Variants in CSMD1 observed in about 807,000 individuals in gnomAD.
CSMD1 encodes CUB and sushi domain-containing protein 1.
A neutral mutation model predicts 417.5 loss-of-function variants in CSMD1; 213 were observed. That is an observed-to-expected ratio of 0.51 (90% CI 0.46 to 0.57). The LOEUF is 0.57. Ranked by LOEUF, CSMD1 falls within the 20% of genes least tolerant of loss-of-function variation. CSMD1 has a pLI of 0.00. For synonymous variants in CSMD1, 2,862 were observed against 1,736.8 expected (o/e 1.65, Z -16.11); for missense variants, 6,923 against 4,529.7 (o/e 1.53, Z -15.17).
chr8:3,853,130 G>C (rs1409265591), intron 5 of CSMD1, among the ~76,000 whole-genome samples: 1 of 152,148 alleles, frequency 6.6e-6, no homozygotes, highest in African/African-American at 2.4e-5. Flanking sequence ...AGTGGCAGCA[G>C]GTGGCTGAGC....
intron 1 of CSMD1, among the ~76,000 whole-genome samples, chr8:4,724,456 A>T (rs566763620): frequency 1.3e-5 from 2 of 151,962 alleles, no homozygotes; most frequent in Non-Finnish European, 2.9e-5. Context: ...TAATATTTAC[A>T]TTACTTATAA....
intron 3 of CSMD1, among the ~76,000 whole-genome samples, chr8:4,196,027 C>A (rs191342750): frequency 1.2e-4 from 19 of 152,092 alleles, no homozygotes; most frequent in African/African-American, 4.3e-4. Context: ...CTGGCTAACA[C>A]AGTGAAACCT....
chr8:4,827,163 G>C (rs898085425), intron 1 of CSMD1, among the ~76,000 whole-genome samples: 1 of 152,098 alleles, frequency 6.6e-6, no homozygotes. Flanking sequence ...AGGTATACTA[G>C]CAAAGTTTTC....
intron 13 of CSMD1, 42 bp downstream of exon 13, chr8:3,409,381 T>A: frequency 6.5e-7 from 1 of 1,533,850 alleles, no homozygotes; most frequent in Non-Finnish European, 8.8e-7. Flanking sequence ...TGCAAGATCC[T>A]TGCAGGACAG....
intron 5 of CSMD1, among the ~76,000 whole-genome samples, chr8:3,894,354 T>G (rs534661514): frequency 2.0e-5 from 3 of 152,250 alleles, no homozygotes; most frequent in African/African-American, 7.2e-5. Flanking sequence ...TCACGAGGAT[T>G]AAATGGGTGT....
At chr8:4,703,804 T>A (rs548888771) in intron 1 of CSMD1, among the ~76,000 whole-genome samples, 1 of 152,242 alleles carries the variant, frequency 6.6e-6, no homozygotes, top group South Asian at 2.1e-4. Flanking sequence ...ATCATCAAGC[T>A]CAACAGTCCC....
intron 36 of CSMD1, among the ~76,000 whole-genome samples, chr8:3,186,948 G>A (rs1000733771): frequency 6.6e-6 from 1 of 152,160 alleles, no homozygotes. Flanking sequence ...CGCCATGTTG[G>A]CCAGGCTGGT....
At chr8:4,628,387 T>C (rs1026256661) in intron 2 of CSMD1, among the ~76,000 whole-genome samples, 4 of 142,178 alleles carry the variant, frequency 2.8e-5, no homozygotes, top group African/African-American at 1.0e-4. Context: ...TATACACACA[T>C]ATATATACAC....
intron 52 of CSMD1, among the ~76,000 whole-genome samples, chr8:3,011,293 C>T (rs916758795): frequency 6.6e-6 from 1 of 152,128 alleles, no homozygotes; most frequent in Non-Finnish European, 1.5e-5. Flanking sequence ...ACATACAGAA[C>T]ATATTTTACA....
chr8:3,568,669 T>A (rs762770671), intron 10 of CSMD1, among the ~76,000 whole-genome samples: 2 of 152,112 alleles, frequency 1.3e-5, no homozygotes, highest in African/African-American at 2.4e-5. Context: ...ACACCTCTCA[T>A]TCCAGCTGAT....
intron 3 of CSMD1, among the ~76,000 whole-genome samples, chr8:4,152,888 C>G (rs1245828436): frequency 1.3e-5 from 2 of 152,102 alleles, no homozygotes; most frequent in Non-Finnish European, 2.9e-5. Flanking sequence ...TCAAATTAGA[C>G]TTAAGATTTT....
chr8:3,946,151 G>A (rs1053796223), intron 5 of CSMD1, among the ~76,000 whole-genome samples: 10 of 151,990 alleles, frequency 6.6e-5, no homozygotes, highest in Admixed American at 5.9e-4. Flanking sequence ...TAATCCCAAT[G>A]CACCCTTTGA....
At chr8:4,177,434 T>G (rs190088737) in intron 3 of CSMD1, among the ~76,000 whole-genome samples, 56 of 149,180 alleles carry the variant, frequency 3.8e-4, no homozygotes, top group African/African-American at 1.3e-3. Context: ...CAAAGCAGTG[T>G]GTAGAGGGAA....
intron 7 of CSMD1, among the ~76,000 whole-genome samples, chr8:3,675,486 G>A (rs561339002): frequency 2.6e-5 from 4 of 152,310 alleles, no homozygotes; most frequent in East Asian, 1.9e-4. Context: ...GAATATTTGT[G>A]TCCCACCAAA....
At chr8:4,000,526 G>C (rs1311034868) in intron 4 of CSMD1, among the ~76,000 whole-genome samples, 1 of 152,152 alleles carries the variant, frequency 6.6e-6, no homozygotes, top group Non-Finnish European at 1.5e-5. Flanking sequence ...CCTTGTGTTG[G>C]GATAATGGTG....
At chr8:4,015,501 A>G (rs1293245859) in intron 4 of CSMD1, among the ~76,000 whole-genome samples, 1 of 152,084 alleles carries the variant, frequency 6.6e-6, no homozygotes, top group Non-Finnish European at 1.5e-5. Flanking sequence ...ACAGCTTCAG[A>G]TAGGTCTAAA....
chr8:3,884,859 G>A (rs1806448238), intron 5 of CSMD1, among the ~76,000 whole-genome samples: 2 of 150,648 alleles, frequency 1.3e-5, no homozygotes, highest in African/African-American at 4.9e-5. Flanking sequence ...AAATGCCAAG[G>A]CTGAGAATTT....
intron 3 of CSMD1, among the ~76,000 whole-genome samples, chr8:4,355,922 TTTTTG>T (rs376918936): frequency 8.6e-5 from 13 of 151,980 alleles, no homozygotes; most frequent in African/African-American, 3.1e-4. Flanking sequence ...ATCAGCTGTT[TTTTTG>T]TTTTGTTTTG....
chr8:4,903,149 T>C (rs1013243793), intron 1 of CSMD1, among the ~76,000 whole-genome samples: 1 of 152,170 alleles, frequency 6.6e-6, no homozygotes, highest in African/African-American at 2.4e-5. Context: ...TTATTTAATC[T>C]TGAACAGTTT....
Sources: gnomAD v4.1 joint callset for allele counts (sites outside exome capture counted in the v4.1 genomes callset) on GRCh38, gnomAD v4.1.1 for gene constraint, MANE v1.5 for transcripts, NCBI Gene and HGNC (gene_info 2026-07-23, HGNC 2026-07-21) for gene names.